The following ARMC9 variants were observed in gnomAD, a reference collection of about 807,000 sequenced individuals.
The protein encoded by ARMC9 is lisH domain-containing protein ARMC9.
A neutral mutation model predicts 107.0 loss-of-function variants in ARMC9; 94 were observed. The observed-to-expected ratio is 0.88, with a 90% CI of 0.74 to 1.04. ARMC9 has a LOEUF of 1.04. Among genes scored for constraint, ARMC9 ranks in the 50% least tolerant of loss-of-function variants. The pLI, the probability that ARMC9 is intolerant of heterozygous loss-of-function variation, is 0.00. For synonymous variants in ARMC9, 380 were observed against 396.9 expected (o/e 0.96, Z 0.51); for missense variants, 942 against 1,030.1 (o/e 0.91, Z 1.17).
chr2:231,368,148 ATATGTACAAT>A (rs989730649), intron 23 of ARMC9, among the ~76,000 whole-genome samples: 15 of 152,190 alleles, frequency 9.9e-5, no homozygotes, highest in African/African-American at 3.4e-4. Flanking sequence ...TACCCCATAA[ATATGTACAAT>A]TATTTATCAG....
At chr2:231,228,886 A>G (rs1400852685) in intron 7 of ARMC9, among the ~76,000 whole-genome samples, 1 of 152,128 alleles carries the variant, frequency 6.6e-6, no homozygotes, top group Admixed American at 6.5e-5. Flanking sequence ...ATGTCCCCCT[A>G]GCATACACTG....
intron 21 of ARMC9, among the ~76,000 whole-genome samples, chr2:231,348,946 G>C (rs1188092651): frequency 6.6e-6 from 1 of 152,188 alleles, no homozygotes; most frequent in Non-Finnish European, 1.5e-5. Flanking sequence ...ATGCTGGCAA[G>C]GATGTGGAGA....
rs2046171243 is a variant in ARMC9 at position 231,375,531 on chromosome 2, A to G, written c.*3996A>G. 1.3e-5 allele frequency among the ~76,000 whole-genome samples: 2 copies of G among 152,282 alleles called. No individual in the cohort carries two copies. The highest frequency in any genetic ancestry group is 4.8e-5 in the African/African-American group (2 of 41,556). ...ATTGTGGTATACCCTCTCCATTTAG[A>G]TTCAATTGAACAAATATATTCTTTG... On this transcript the variant is annotated 3_prime_UTR_variant, in exon 25 of 25. Coordinates refer to ENST00000611582, the MANE Select transcript of ARMC9 (RefSeq NM_001352754.2). This position sits in a 1 kb window ranked among gnomAD's most constrained non-coding sequence, Gnocchi z 4.3.
chr2:231,311,734 C>T (rs1229859332), intron 19 of ARMC9, among the ~76,000 whole-genome samples: 2 of 129,364 alleles, frequency 1.5e-5, no homozygotes, highest in Admixed American at 1.9e-4. Flanking sequence ...CGTGCCACTA[C>T]ACTCTAGCCT....
chr2:231,250,712 G>A (rs965365036), intron 9 of ARMC9, among the ~76,000 whole-genome samples: 1 of 152,128 alleles, frequency 6.6e-6, no homozygotes, highest in South Asian at 2.1e-4. Context: ...AAAGCCTTGC[G>A]GGGGCCTGGG....
intron 12 of ARMC9, 144 bp from the exon 13 acceptor site, chr2:231,270,838 C>T: frequency 2.7e-6 from 2 of 751,414 alleles, no homozygotes; most frequent in Non-Finnish European, 4.7e-6. Context: ...ACAAGGATTC[C>T]AGATGAAATG....
At position 231,355,922 on chromosome 2, in the gene ARMC9, G is replaced by A. The variant is rs892448059; in HGVS notation, c.2119G>A (p.Val707Ile). 1.3e-5 allele frequency: 20 copies of A among 1,535,426 alleles called. No individual in the cohort carries two copies. The highest frequency in any genetic ancestry group is 9.6e-5 in the African/African-American group (7 of 73,038). Residue 707 changes from valine (V) to isoleucine (I), a missense_variant, in exon 22 of 25, where the codon GTC becomes ATC. Physicochemically the swap from Val to Ile is conservative, Grantham distance 29. Coordinates refer to ENST00000611582, the MANE Select transcript of ARMC9 (RefSeq NM_001352754.2). Reference sequence around the variant, plus strand: ...CAAGCCCAGCACCCCGGAGTCCTGCGTCTCCTCTTCATGTAAGAATGTGGG... The same window carrying A: ...CAAGCCCAGCACCCCGGAGTCCTGCATCTCCTCTTCATGTAAGAATGTGGG... Reference protein sequence around the residue: ...EGKPSTPESCVSSSSAIIAKP... With the variant: ...EGKPSTPESCISSSSAIIAKP...
chr2:231,327,208 G>A (rs898519891), intron 19 of ARMC9, among the ~76,000 whole-genome samples: 8 of 152,188 alleles, frequency 5.3e-5, no homozygotes, highest in Admixed American at 6.5e-5. Flanking sequence ...TTCGGTCGGC[G>A]TTCGAGTATA....
intron 24 of ARMC9, chr2:231,370,937 G>A (rs1280229873): frequency 2.6e-6 from 1 of 380,880 alleles, no homozygotes; most frequent in Non-Finnish European, 5.4e-6. Flanking sequence ...TACCTTCCTG[G>A]CCAGGCCCTG....
intron 18 of ARMC9, among the ~76,000 whole-genome samples, chr2:231,293,442 T>G (rs772387943): frequency 5.9e-5 from 9 of 152,276 alleles, no homozygotes; most frequent in Middle Eastern, 3.4e-3. Context: ...CCTGTGTGTT[T>G]TAGTCCACTG....
chr2:231,341,276 A>T (rs183725370), intron 20 of ARMC9, among the ~76,000 whole-genome samples: 1 of 152,340 alleles, frequency 6.6e-6, no homozygotes, highest in East Asian at 1.9e-4. Context: ...CTTCATTCAC[A>T]TGCCTGTTGC....
intron 19 of ARMC9, among the ~76,000 whole-genome samples, chr2:231,330,824 G>A (rs866783725): frequency 5.9e-5 from 9 of 151,448 alleles, no homozygotes; most frequent in Non-Finnish European, 7.4e-5. Context: ...AAAGGAAGCA[G>A]GCTTTGGCTA....
At chr2:231,216,909 G>A in intron 5 of ARMC9, 116 bp downstream of exon 5, 1 of 1,251,042 alleles carries the variant, frequency 8.0e-7, no homozygotes, top group Non-Finnish European at 1.1e-6. Flanking sequence ...GCTTACATTA[G>A]TATTATTTTT....
intron 17 of ARMC9, among the ~76,000 whole-genome samples, chr2:231,282,498 G>A (rs767326326): frequency 1.3e-5 from 2 of 152,160 alleles, no homozygotes; most frequent in East Asian, 1.9e-4. Flanking sequence ...GTACGTTAAC[G>A]CTTGTATGTG....
At chr2:231,353,344 G>A (rs1270612631) in intron 21 of ARMC9, among the ~76,000 whole-genome samples, 1 of 123,060 alleles carries the variant, frequency 8.1e-6, no homozygotes, top group Non-Finnish European at 1.5e-5. Flanking sequence ...CTACCACCAC[G>A]CCCGGCTATT....
Position 231,235,304 on chromosome 2 carries a change from C to A in ARMC9, c.703C>A (p.Gln235Lys). 6.2e-7 allele frequency: 1 copy of A among 1,614,224 alleles called. No individual in the cohort carries two copies. Among genetic ancestry groups the A allele is most frequent in the Non-Finnish European group, 8.5e-7 (1 of 1,180,046 alleles). Residue 235 changes from glutamine to lysine, a missense_variant, in exon 8 of 25, where the codon CAG (glutamine) becomes AAG (lysine). Transcript: ENST00000611582. ...ATACCTCAAACGGTACAATAAGATC[C>A]AGGCCGACTACCACAATCTCATTGG... ...VTYLKRYNKIQADYHNLIGVT... is the reference protein window; with the variant it reads ...VTYLKRYNKIKADYHNLIGVT...
chr2:231,282,342 A>G (rs1199664335), intron 17 of ARMC9, among the ~76,000 whole-genome samples: 2 of 152,208 alleles, frequency 1.3e-5, no homozygotes, highest in African/African-American at 2.4e-5. Flanking sequence ...TAACTCCTAA[A>G]TGGTTAAAAA....
chr2:231,373,546 G>A lies in ARMC9; in HGVS notation c.*2011G>A, dbSNP rs566024332. ...CTGATCTGTAGATGTCTGATGGTTT[G>A]AGGAGAAGAAAAGATAGTCTTTTAG... On this transcript the variant is annotated 3_prime_UTR_variant, in exon 25 of 25. Transcript: ENST00000611582. This position sits in a 1 kb window ranked among gnomAD's most constrained non-coding sequence, Gnocchi z 4.4. 2.0e-5 allele frequency: 3 copies of A among 152,278 alleles called. No individual in the cohort carries two copies. The East Asian group carries it at 5.8e-4, about 29-fold the overall frequency. 9.4% of individuals were successfully genotyped at this position (152,278 alleles called of 1,614,324 possible).
intron 1 of ARMC9, among the ~76,000 whole-genome samples, chr2:231,201,559 A>G (rs1010690551): frequency 2.6e-5 from 4 of 152,162 alleles, no homozygotes; most frequent in Admixed American, 1.3e-4. Context: ...GCCTTCAGGC[A>G]TCTGTCCCAC....
Sources: allele counts gnomAD v4.1 joint callset (sites outside exome capture counted in the v4.1 genomes callset), GRCh38; gene constraint gnomAD v4.1.1; non-coding constraint Gnocchi (gnomAD v3.1); transcripts MANE v1.5; gene names NCBI Gene and HGNC (gene_info 2026-07-23, HGNC 2026-07-21).